The following ZFP82 variants were observed in gnomAD, a reference collection of about 807,000 sequenced individuals.
The protein encoded by ZFP82 is zinc finger protein 82 homolog.
ZFP82 carries 30 observed loss-of-function variants against 54.0 expected under a neutral mutation model. The ratio of observed to expected loss-of-function variants is 0.56; its 90% CI spans 0.42 to 0.75. The LOEUF is 0.75. Ranked by LOEUF, ZFP82 falls within the 30% of genes least tolerant of loss-of-function variation. The probability of loss-of-function intolerance (pLI) is 0.00; values close to 1 mark genes in which losing one functional copy is unlikely to be tolerated. For missense variants in ZFP82, 500 were observed against 636.8 expected, an observed-to-expected ratio of 0.79 and a Z score of 2.31; for synonymous variants, 194 against 209.5, an observed-to-expected ratio of 0.93 and a Z score of 0.64.
rs1205052824 is a variant in ZFP82 at position 36,418,578 on chromosome 19, AC to A, written c.-166del. On this transcript the variant is annotated 5_prime_UTR_variant, in exon 1 of 5. Coordinates refer to ENST00000392161, the MANE Select transcript of ZFP82 (RefSeq NM_133466.4). ...CCAGGACTGCTCACTCGGGGCGCGAACCCGAGGCACAGCGATGCCCGAACGG... is the reference window on the plus strand; with the variant it reads ...CCAGGACTGCTCACTCGGGGCGCGAACCGAGGCACAGCGATGCCCGAACGG... The A allele has an allele frequency of 1.3e-5, 2 of 152,208 alleles. No homozygotes were observed. Among genetic ancestry groups the A allele is most frequent in the African/African-American group, 2.4e-5 (1 of 41,450 alleles). 9.4% of individuals were successfully genotyped at this position (152,208 alleles called of 1,614,324 possible). A position where few individuals can be genotyped will look rare whatever the true frequency, so the allele number is the denominator to read the frequency against.
rs1293186341 is a variant in ZFP82, at chr19:36,391,297, A to G, written c.*1444T>C. 1 of 152,018 alleles carries G rather than the reference A, an allele frequency of 6.6e-6. No individual in the cohort carries two copies. The highest frequency in any genetic ancestry group is 1.5e-5 in the Non-Finnish European group (1 of 67,984). 9.4% of individuals were successfully genotyped at this position (152,018 alleles called of 1,614,324 possible). ...TCATGATAAAAGGACACAGGAGCCA[A>G]TTTGAGGGGATTGCCTCAAAATGCT... On this transcript the variant is annotated 3_prime_UTR_variant, in exon 5 of 5. Transcript: ENST00000392161.
At chr19:36,385,377 G>T (rs1418269414), downstream of ZFP82, among the ~76,000 whole-genome samples, 3 of 152,216 alleles carry the variant, frequency 2.0e-5, no homozygotes, top group Non-Finnish European at 2.9e-5. Flanking sequence ...TACTGAGTCT[G>T]TAGTATTCTG....
intron 3 of ZFP82, among the ~76,000 whole-genome samples, chr19:36,406,125 A>T (rs2032477941): frequency 6.6e-6 from 1 of 152,148 alleles, no homozygotes; most frequent in Non-Finnish European, 1.5e-5. Flanking sequence ...TTTATATTTC[A>T]TTAGCTATTG....
At chr19:36,388,160 G>A (rs1046270705), downstream of ZFP82, among the ~76,000 whole-genome samples, 19 of 152,108 alleles carry the variant, frequency 1.2e-4, no homozygotes, top group African/African-American at 4.3e-4. Context: ...CCAGGCCCCA[G>A]GGTATTCCTA....
At chr19:36,404,507 C>T (rs1182742881) in intron 4 of ZFP82, among the ~76,000 whole-genome samples, 1 of 152,200 alleles carries the variant, frequency 6.6e-6, no homozygotes, top group Non-Finnish European at 1.5e-5. Context: ...TGACTGGTCT[C>T]CCAAGGATAC....
rs2032237109 is a variant in ZFP82, at chr19:36,393,331, G to T, written c.1009C>A (p.Pro337Thr). Residue 337 changes from proline to threonine, a missense_variant, in exon 5 of 5, where the codon CCC becomes ACC. Transcript: ENST00000392161. ...TTCCCGCATTCCTTACATTCATAGGGTTTCTCACCAGTATGAAGTTTGTGA... is the reference window on the plus strand; with the variant it reads ...TTCCCGCATTCCTTACATTCATAGGTTTTCTCACCAGTATGAAGTTTGTGA... ...VHHKLHTGEK[P>T]YECKECGKAF... 1 of 1,613,902 alleles carries T rather than the reference G, an allele frequency of 6.2e-7. No homozygotes were observed. Among genetic ancestry groups the T allele is most frequent in the African/African-American group, 1.3e-5 (1 of 74,858 alleles).
chr19:36,411,955 G>T (rs1177515618), intron 1 of ZFP82, among the ~76,000 whole-genome samples: 1 of 151,938 alleles, frequency 6.6e-6, no homozygotes, highest in Non-Finnish European at 1.5e-5. Context: ...TGATAATGCA[G>T]CTCTTTAACT....
In ZFP82 at chr19:36,389,400, G is replaced by A. The variant is rs1409747788; in HGVS notation, c.*3341C>T. Among the ~76,000 whole-genome samples the A allele has an allele frequency of 6.6e-6, 1 of 152,162 alleles. No individual in the cohort carries two copies. Among genetic ancestry groups the A allele is most frequent in the African/African-American group, 2.4e-5 (1 of 41,450 alleles). On this transcript the variant is annotated 3_prime_UTR_variant, in exon 5 of 5. Coordinates refer to ENST00000392161, the MANE Select transcript of ZFP82 (RefSeq NM_133466.4). Reference sequence around the variant, plus strand: ...AAAATTTAAAATATATGTAAAGATAGTAAGAACGGCACAATGAACCCTGTG... The same window carrying A: ...AAAATTTAAAATATATGTAAAGATAATAAGAACGGCACAATGAACCCTGTG...
In ZFP82 at chr19:36,400,111, T is replaced by C. The variant is rs139675035; in HGVS notation, c.229+5469A>G. On this transcript the variant is annotated intron_variant, in intron 4 of 4. Transcript: ENST00000392161. ...TAACAGACCTATTACCAGTCCTAAA[T>C]CTGTTGGATCAAAGGATTTCTAGTC... 3.3e-5 allele frequency among the ~76,000 whole-genome samples: 5 copies of C among 152,324 alleles called. No individual in the cohort carries two copies. The East Asian group carries it at 9.6e-4, about 29-fold the overall frequency.
intron 2 of ZFP82, among the ~76,000 whole-genome samples, chr19:36,409,262 T>C (rs1469962031): frequency 6.6e-6 from 1 of 152,160 alleles, no homozygotes; most frequent in African/African-American, 2.4e-5. Flanking sequence ...TCTTACCTTT[T>C]TGTTTTATAA....
chr19:36,413,561 T>C (rs2967526), intron 1 of ZFP82, among the ~76,000 whole-genome samples: 86,681 of 152,080 alleles, frequency 0.57, 25,585 homozygotes, highest in Admixed American at 0.65. Context: ...AAGATATTCA[T>C]GATAAATTAC....
rs2032227277 is a variant in ZFP82 at position 36,392,951 on chromosome 19, T to C, written c.1389A>G (p.Gln463=). The change falls in exon 5 of 5, where the codon CAA becomes CAG. Residue 463 remains glutamine (Q), a synonymous_variant. Coordinates refer to ENST00000392161, the MANE Select transcript of ZFP82 (RefSeq NM_133466.4). ...KECGKAFRLR[Q]KLTLHQSIHT... is the part of the protein sequence containing the mutation. Reference sequence around the variant, plus strand: ...GAATGCTCTGATGTAGAGTAAGTTTTTGGCGCAATCTAAAGGCCTTGCCAC... The same window carrying C: ...GAATGCTCTGATGTAGAGTAAGTTTCTGGCGCAATCTAAAGGCCTTGCCAC... 16 of 1,614,058 alleles carry C rather than the reference T, an allele frequency of 9.9e-6. No homozygotes were observed. Among genetic ancestry groups the C allele is most frequent in the Non-Finnish European group, 1.3e-5 (15 of 1,179,970 alleles).
intron 4 of ZFP82, among the ~76,000 whole-genome samples, chr19:36,403,885 C>A (rs1222694199): frequency 6.6e-6 from 1 of 151,998 alleles, no homozygotes; most frequent in East Asian, 1.9e-4. Context: ...TCAAGCATAT[C>A]ATTTTTGTAG....
intron 1 of ZFP82, among the ~76,000 whole-genome samples, chr19:36,412,757 CA>C (rs2032601962): frequency 6.6e-6 from 1 of 152,178 alleles, no homozygotes; most frequent in African/African-American, 2.4e-5. Context: ...CATTACCCCA[CA>C]GGAACCCCAT....
chr19:36,413,924 G>A (rs1302871535), intron 1 of ZFP82, among the ~76,000 whole-genome samples: 1 of 127,104 alleles, frequency 7.9e-6, no homozygotes, highest in African/African-American at 2.9e-5. Flanking sequence ...TTTTTGAGAT[G>A]CAGTCTCGCT....
In ZFP82 at chr19:36,410,851, A is replaced by G. The variant is rs568963414; in HGVS notation, c.-78-984T>C. ...ATCCTCAGGATTGCTCTTTAGCACA[A>G]TAATTATTCTATCCATGCAATGGAT... On this transcript the variant is annotated intron_variant, in intron 1 of 4. Coordinates refer to ENST00000392161, the MANE Select transcript of ZFP82 (RefSeq NM_133466.4). 9.2e-4 allele frequency among the ~76,000 whole-genome samples: 140 copies of G among 152,270 alleles called. 1 individual carries two copies. The highest frequency in any genetic ancestry group is 1.9e-3 in the Non-Finnish European group (130 of 68,030).
Position 36,391,898 on chromosome 19 carries a change from A to T in ZFP82, c.*843T>A, listed in dbSNP as rs1043869749. On this transcript the variant is annotated 3_prime_UTR_variant, in exon 5 of 5. Coordinates refer to ENST00000392161, the MANE Select transcript of ZFP82 (RefSeq NM_133466.4). ...AGGCATTTCTATACTCATTATGCCC[A>T]CAGCCTTTAGTATGAATTATGTAAA... The T allele has an allele frequency of 4.6e-5, 7 of 152,250 alleles. No individual in the cohort carries two copies. Among genetic ancestry groups the T allele is most frequent in the African/African-American group, 1.7e-4 (7 of 41,454 alleles). The allele number at this position is 152,250 out of a possible 1,614,324, so 9.4% of individuals were successfully genotyped here.
rs982079742 is a variant in ZFP82, at chr19:36,388,704, A to C, written c.*4037T>G. ...CAATTCTATATTAATGTTCTTTTCA[A>C]AGAGAATATCCTTAGTCTGTTATTT... On this transcript the variant is annotated 3_prime_UTR_variant, in exon 5 of 5. Transcript: ENST00000392161. Among the ~76,000 whole-genome samples the C allele has an allele frequency of 1.2e-4, 19 of 152,268 alleles. No homozygotes were observed. Among genetic ancestry groups the C allele is most frequent in the African/African-American group, 4.6e-4 (19 of 41,572 alleles).
At chr19:36,387,469 CCT>C (rs886236775), downstream of ZFP82, among the ~76,000 whole-genome samples, 7 of 151,772 alleles carry the variant, frequency 4.6e-5, no homozygotes, top group African/African-American at 1.5e-4. Flanking sequence ...TCCCTCTTGC[CCT>C]CTCTCTCTCT....
Sources: gnomAD v4.1 joint callset for allele counts (sites outside exome capture counted in the v4.1 genomes callset) on GRCh38, gnomAD v4.1.1 for gene constraint, MANE v1.5 for transcripts, NCBI Gene and HGNC (gene_info 2026-07-23, HGNC 2026-07-21) for gene names.